Variants in PACRG observed in about 807,000 individuals in gnomAD.
The protein encoded by PACRG is parkin coregulated.
A neutral mutation model predicts 29.7 loss-of-function variants in PACRG; 29 were observed. The observed-to-expected ratio is 0.98, with a 90% confidence interval of 0.73 to 1.33. The LOEUF (loss-of-function observed/expected upper bound fraction) is 1.33, where lower values mean the gene tolerates loss of function less well. Ranked by LOEUF, PACRG falls within the 40% of genes most tolerant of loss-of-function variation. The pLI, the probability that PACRG is intolerant of heterozygous loss-of-function variation, is 0.00. For synonymous variants in PACRG, 116 were observed against 118.7 expected, an observed-to-expected ratio of 0.98 and a Z score of 0.15; for missense variants, 279 against 316.2, an observed-to-expected ratio of 0.88 and a Z score of 0.89.
chr6:162,885,015 T>C (rs954427441), intron 2 of PACRG, among the ~76,000 whole-genome samples: 2 of 152,150 alleles, frequency 1.3e-5, no homozygotes, highest in Non-Finnish European at 1.5e-5. Context: ...TGCTTCACTT[T>C]AGAGGTGAAG....
At chr6:163,098,820 T>G (rs1367744326) in intron 4 of PACRG, among the ~76,000 whole-genome samples, 1 of 152,168 alleles carries the variant, frequency 6.6e-6, no homozygotes, top group African/African-American at 2.4e-5. Context: ...AACGGGCGGA[T>G]TATTCATATC....
chr6:162,778,622 T>C (rs1192966872), intron 1 of PACRG, among the ~76,000 whole-genome samples: 1 of 152,196 alleles, frequency 6.6e-6, no homozygotes, highest in Non-Finnish European at 1.5e-5. Flanking sequence ...CTGGTGAAAA[T>C]GTAGAGACTC....
chr6:163,023,854 G>T (rs1806867432), intron 2 of PACRG, among the ~76,000 whole-genome samples: 1 of 152,116 alleles, frequency 6.6e-6, no homozygotes, highest in Non-Finnish European at 1.5e-5. Context: ...TTGTAAGTTT[G>T]TTGGCTGCTT....
intron 2 of PACRG, among the ~76,000 whole-genome samples, chr6:162,907,377 A>G (rs1480582917): frequency 2.0e-5 from 3 of 152,176 alleles, no homozygotes; most frequent in Non-Finnish European, 4.4e-5. Flanking sequence ...ATTGAAATTA[A>G]ACAATTTTTC....
intron 4 of PACRG, among the ~76,000 whole-genome samples, chr6:163,240,215 C>T (rs1164103790): frequency 1.3e-5 from 2 of 151,488 alleles, no homozygotes; most frequent in East Asian, 3.9e-4. Flanking sequence ...GGGATGCTAA[C>T]GCCTGGCCTT....
chr6:162,786,479 T>C (rs1205951850), intron 1 of PACRG, among the ~76,000 whole-genome samples: 1 of 152,218 alleles, frequency 6.6e-6, no homozygotes, highest in African/African-American at 2.4e-5. Flanking sequence ...CTATTCGTGG[T>C]GTGGTTCATA....
chr6:162,914,418 C>T (rs1180226929), intron 2 of PACRG, among the ~76,000 whole-genome samples: 2 of 150,202 alleles, frequency 1.3e-5, no homozygotes, highest in South Asian at 2.1e-4. Context: ...AGCTGTACTT[C>T]TTTATCTTTT....
chr6:163,135,966 G>T (rs1303348986), intron 4 of PACRG, among the ~76,000 whole-genome samples: 1 of 151,520 alleles, frequency 6.6e-6, no homozygotes. Context: ...TTTTTTTCTG[G>T]GTTATGTATC....
At chr6:162,783,599 A>G (rs1044134993) in intron 1 of PACRG, among the ~76,000 whole-genome samples, 4 of 151,998 alleles carry the variant, frequency 2.6e-5, no homozygotes, top group Admixed American at 2.6e-4. Context: ...ATTTAACCAA[A>G]TCTCTATGTG....
At chr6:163,119,694 A>C (rs1218809253) in intron 4 of PACRG, among the ~76,000 whole-genome samples, 2 of 152,208 alleles carry the variant, frequency 1.3e-5, no homozygotes, top group Non-Finnish European at 2.9e-5. Context: ...GAAGATGGTT[A>C]GGACAATTTA....
At chr6:162,761,403 A>T (rs1331059294) in intron 1 of PACRG, among the ~76,000 whole-genome samples, 1 of 152,126 alleles carries the variant, frequency 6.6e-6, no homozygotes, top group South Asian at 2.1e-4. Flanking sequence ...AAGGCGCAGG[A>T]TCACGATTTA....
At chr6:162,864,417 T>C (rs1030049250) in intron 2 of PACRG, among the ~76,000 whole-genome samples, 1 of 152,128 alleles carries the variant, frequency 6.6e-6, no homozygotes, top group Non-Finnish European at 1.5e-5. Context: ...CCAGGCCTTA[T>C]TCTAGGTGCT....
intron 3 of PACRG, among the ~76,000 whole-genome samples, chr6:163,081,108 G>A (rs1813034715): frequency 6.6e-6 from 1 of 152,010 alleles, no homozygotes; most frequent in African/African-American, 2.4e-5. Flanking sequence ...AATTTGGTTT[G>A]AAAATATATT....
intron 4 of PACRG, among the ~76,000 whole-genome samples, chr6:163,255,370 C>A (rs1008338929): frequency 6.6e-6 from 1 of 152,152 alleles, no homozygotes; most frequent in Non-Finnish European, 1.5e-5. Flanking sequence ...AATCCAGGTA[C>A]CTTCAATGTC....
chr6:163,118,878 G>A (rs576842423), intron 4 of PACRG, among the ~76,000 whole-genome samples: 1 of 152,200 alleles, frequency 6.6e-6, no homozygotes, highest in East Asian at 1.9e-4. Flanking sequence ...CATGTGGGAA[G>A]TGACCCTTGC....
chr6:162,966,915 A>G (rs1016377361), intron 2 of PACRG, among the ~76,000 whole-genome samples: 1 of 152,196 alleles, frequency 6.6e-6, no homozygotes, highest in Non-Finnish European at 1.5e-5. Context: ...GCTCATAAGG[A>G]AGAGAAATTT....
intron 3 of PACRG, among the ~76,000 whole-genome samples, chr6:163,084,984 C>T (rs184084221): frequency 6.7e-4 from 101 of 151,662 alleles, no homozygotes; most frequent in African/African-American, 2.4e-3. Context: ...CAACCTTCGG[C>T]GGGCACACAC....
At chr6:163,085,294 A>T (rs986449853) in intron 3 of PACRG, among the ~76,000 whole-genome samples, 1 of 152,192 alleles carries the variant, frequency 6.6e-6, no homozygotes, top group Non-Finnish European at 1.5e-5. Flanking sequence ...AGTTTATAAG[A>T]TATTTAGCTA....
chr6:162,999,258 G>A (rs888881809), intron 2 of PACRG, among the ~76,000 whole-genome samples: 5 of 152,180 alleles, frequency 3.3e-5, no homozygotes, highest in Admixed American at 1.3e-4. Context: ...GGGCATCTTC[G>A]TTCCTCTCAT....
Sources: gnomAD v4.1 joint callset for allele counts (sites outside exome capture counted in the v4.1 genomes callset) on GRCh38, gnomAD v4.1.1 for gene constraint, MANE v1.5 for transcripts, NCBI Gene and HGNC (gene_info 2026-07-23, HGNC 2026-07-21) for gene names.